Variants in COX10 observed in about 807,000 individuals in gnomAD.
COX10 encodes cytochrome c oxidase assembly factor heme A:farnesyltransferase COX10, also known as protoheme IX farnesyltransferase, mitochondrial.
A neutral mutation model predicts 37.3 loss-of-function variants in COX10; 27 were observed. That is an observed-to-expected ratio of 0.72 (90% CI 0.53 to 1.00). COX10 has a LOEUF of 1.00. COX10 is among the 50% of genes least tolerant of loss of function. COX10 has a pLI of 0.00. For synonymous variants in COX10, 222 were observed against 229.1 expected (o/e 0.97, Z 0.28); for missense variants, 475 against 563.2 (o/e 0.84, Z 1.59).
At position 14,206,804 on chromosome 17, in the gene COX10, G is replaced by T. The variant is rs763059631; in HGVS notation, c.929-6G>T. The T allele has an allele frequency of 3.1e-6, 5 of 1,607,842 alleles. No individual in the cohort carries two copies. The highest frequency in any genetic ancestry group is 1.7e-5 in the Admixed American group (1 of 59,676). On this transcript the variant is annotated splice_region_variant and splice_polypyrimidine_tract_variant and intron_variant, in intron 6 of 6. Coordinates refer to ENST00000261643, the MANE Select transcript of COX10 (RefSeq NM_001303.4). Reference sequence around the variant, plus strand: ...GTCTCCCTCTCCTTCCCTGACCCCCGCACAGGCGCATTTCTCCTGGGAGGA... The same window carrying T: ...GTCTCCCTCTCCTTCCCTGACCCCCTCACAGGCGCATTTCTCCTGGGAGGA...
intron 3 of COX10, among the ~76,000 whole-genome samples, chr17:14,085,818 C>T (rs1163199458): frequency 6.6e-6 from 1 of 152,132 alleles, no homozygotes; most frequent in Admixed American, 6.5e-5. Flanking sequence ...AAAAGTTGCA[C>T]CAATTTGTGC....
intron 5 of COX10, among the ~76,000 whole-genome samples, chr17:14,190,032 GA>G (rs1203916254): frequency 6.6e-6 from 1 of 152,160 alleles, no homozygotes; most frequent in Non-Finnish European, 1.5e-5. Context: ...AAGGAATGAA[GA>G]CAGCCTCTTC....
intron 3 of COX10, among the ~76,000 whole-genome samples, chr17:14,081,392 C>T (rs568647359): frequency 6.6e-6 from 1 of 152,260 alleles, no homozygotes; most frequent in South Asian, 2.1e-4. Flanking sequence ...ATGAGTAGGA[C>T]CTTAGCTAGA....
At chr17:14,076,236 G>A (rs1023624067) in intron 2 of COX10, among the ~76,000 whole-genome samples, 3 of 150,182 alleles carry the variant, frequency 2.0e-5, no homozygotes, top group African/African-American at 7.4e-5. Flanking sequence ...CGAGTAGCTG[G>A]GACTGTGGGC....
chr17:14,119,905 G>A (rs1262832300), intron 4 of COX10, among the ~76,000 whole-genome samples: 1 of 152,174 alleles, frequency 6.6e-6, no homozygotes, highest in African/African-American at 2.4e-5. Flanking sequence ...GATCAGATTT[G>A]TTGTTTGAAC....
intron 6 of COX10, among the ~76,000 whole-genome samples, chr17:14,194,153 G>A (rs974164913): frequency 6.6e-6 from 1 of 152,026 alleles, no homozygotes; most frequent in Non-Finnish European, 1.5e-5. Flanking sequence ...GGTATGGGCA[G>A]TTCAGTCCCA....
intron 4 of COX10, among the ~76,000 whole-genome samples, chr17:14,136,650 G>T (rs1597515452): frequency 2.6e-5 from 4 of 151,018 alleles, no homozygotes; most frequent in Admixed American, 2.6e-4. Context: ...TTTATGGCAG[G>T]TTTTTTTTTA....
In COX10 at chr17:14,192,053, G is replaced by A. The variant is rs745616183; in HGVS notation, c.760G>A (p.Gly254Arg). ...TCCGGGAGTTGCCATTCTGACCTTGGGGGTGAATCCACTCACAGGAGCCCT... is the reference window on the plus strand; with the variant it reads ...TCCGGGAGTTGCCATTCTGACCTTGAGGGTGAATCCACTCACAGGAGCCCT... The part of the protein sequence containing the change: ...AVPGVAILTL[G>R]VNPLTGALGL... Residue 254 changes from glycine to arginine, a missense_variant, in exon 6 of 7, where the codon GGG becomes AGG. Physicochemically the swap from Gly to Arg is moderately radical, Grantham distance 125. This residue lies in a region of COX10 where 54 missense variants were observed against 70.6 expected (regional missense o/e 0.76). Transcript: ENST00000261643. 2.5e-6 allele frequency: 4 copies of A among 1,614,132 alleles called. No individual in the cohort carries two copies. The highest frequency in any genetic ancestry group is 1.7e-6 in the Non-Finnish European group (2 of 1,180,028).
intron 6 of COX10, among the ~76,000 whole-genome samples, chr17:14,196,415 A>G (rs2142266032): frequency 6.6e-6 from 1 of 152,326 alleles, no homozygotes; most frequent in South Asian, 2.1e-4. Context: ...GAATTAAGTC[A>G]TGACCAGTTT....
At chr17:14,073,735 G>A (rs1006647155) in intron 1 of COX10, among the ~76,000 whole-genome samples, 33 of 152,172 alleles carry the variant, frequency 2.2e-4, no homozygotes, top group Non-Finnish European at 1.8e-4. Context: ...TCGGAGGCTT[G>A]AGTAGGAGGA....
chr17:14,155,741 C>A (rs145950225), intron 4 of COX10, among the ~76,000 whole-genome samples: 166 of 149,156 alleles, frequency 1.1e-3, no homozygotes, highest in African/African-American at 3.9e-3. Context: ...AAAAAGAAAA[C>A]AAAAGATAGG....
At chr17:14,100,971 G>A (rs1188522613) in intron 3 of COX10, among the ~76,000 whole-genome samples, 5 of 152,108 alleles carry the variant, frequency 3.3e-5, no homozygotes, top group Admixed American at 2.6e-4. Context: ...TCCACTAGAA[G>A]ACAAGTAGCA....
At position 14,206,891 on chromosome 17, in the gene COX10, A is replaced by G; in HGVS notation, c.1010A>G (p.Tyr337Cys). Residue 337 changes from tyrosine (Y) to cysteine (C), a missense_variant, in exon 7 of 7, where the codon TAC becomes TGC. Physicochemically the swap from Tyr to Cys is radical, Grantham distance 194. Transcript: ENST00000261643. The part of the protein sequence containing the change: ...NALSWGLRED[Y>C]SRGGYCMMSV... ...CTGAGCTGGGGCCTCCGTGAAGACTACTCCCGGGGCGGCTACTGCATGATG... is the reference window on the plus strand; with the variant it reads ...CTGAGCTGGGGCCTCCGTGAAGACTGCTCCCGGGGCGGCTACTGCATGATG... 1 of 1,613,368 alleles carries G rather than the reference A, an allele frequency of 6.2e-7. No homozygotes were observed. Among genetic ancestry groups the G allele is most frequent in the East Asian group, 2.2e-5 (1 of 44,810 alleles).
intron 5 of COX10, among the ~76,000 whole-genome samples, chr17:14,163,131 A>G (rs1376781621): frequency 2.0e-5 from 3 of 152,238 alleles, no homozygotes; most frequent in Non-Finnish European, 4.4e-5. Flanking sequence ...GCTGCTCTTC[A>G]ACCACCAGTA....
chr17:14,104,611 G>A (rs895772170), intron 4 of COX10, among the ~76,000 whole-genome samples: 21 of 151,764 alleles, frequency 1.4e-4, no homozygotes, highest in African/African-American at 4.6e-4. Context: ...CCTTCTGTTC[G>A]TATTTATAAA....
chr17:14,078,486 C>G lies in COX10; in HGVS notation c.499+1430C>G, dbSNP rs551431291. 4.6e-5 allele frequency among the ~76,000 whole-genome samples: 7 copies of G among 152,258 alleles called. No individual in the cohort carries two copies. The East Asian group carries it at 1.4e-3, about 30-fold the overall frequency. ...GAAACCTTAGAACCAGTCTTCTTCA[C>G]TTTTTGCTCTCCGCTCTCCCCTTCA... On this transcript the variant is annotated intron_variant, in intron 3 of 6. Coordinates refer to ENST00000261643, the MANE Select transcript of COX10 (RefSeq NM_001303.4).
At chr17:14,103,046 G>A (rs999573418) in intron 4 of COX10, among the ~76,000 whole-genome samples, 3 of 151,998 alleles carry the variant, frequency 2.0e-5, no homozygotes, top group Non-Finnish European at 4.4e-5. Context: ...TAGTCATTAT[G>A]GTTCTACAAT....
intron 3 of COX10, among the ~76,000 whole-genome samples, chr17:14,085,912 G>C (rs900521128): frequency 2.6e-5 from 4 of 152,178 alleles, no homozygotes; most frequent in African/African-American, 9.7e-5. Flanking sequence ...ATGTGTGAAA[G>C]TAGCACTTAA....
chr17:14,173,311 A>T (rs1905540959), intron 5 of COX10, among the ~76,000 whole-genome samples: 1 of 152,262 alleles, frequency 6.6e-6, no homozygotes, highest in Admixed American at 6.5e-5. Flanking sequence ...AGAAGTAAAG[A>T]TACCAAAGAA....
Sources: allele counts gnomAD v4.1 joint callset (sites outside exome capture counted in the v4.1 genomes callset), GRCh38; gene constraint gnomAD v4.1.1; regional missense constraint gnomAD v4.1.1; transcripts MANE v1.5; gene names NCBI Gene and HGNC (gene_info 2026-07-23, HGNC 2026-07-21).